The following XYLT1 variants were observed in gnomAD, a reference collection of about 807,000 sequenced individuals.
XYLT1 encodes beta-D-xylosyltransferase 1.
A neutral mutation model predicts 91.3 loss-of-function variants in XYLT1; 36 were observed. The observed-to-expected ratio is 0.39, with a 90% CI of 0.30 to 0.52. The LOEUF is 0.52. XYLT1 is among the 20% of genes least tolerant of loss of function. The pLI is 0.68. For synonymous variants in XYLT1, 588 were observed against 532.0 expected (o/e 1.11, Z -1.45); for missense variants, 1,242 against 1,284.5 (o/e 0.97, Z 0.51).
chr16:17,264,704 T>C (rs1355430657), intron 2 of XYLT1, among the ~76,000 whole-genome samples: 1 of 152,146 alleles, frequency 6.6e-6, no homozygotes, highest in African/African-American at 2.4e-5. Flanking sequence ...GTCCTTTGAA[T>C]CTTCTTGAAA....
chr16:17,430,094 G>A lies in XYLT1; in HGVS notation c.363+40340C>T, dbSNP rs571748578. Among the ~76,000 whole-genome samples, 187 of 151,852 alleles carry A rather than the reference G, an allele frequency of 1.2e-3. 1 individual carries two copies. Among genetic ancestry groups the A allele is most frequent in the Non-Finnish European group, 1.8e-3 (124 of 67,954 alleles). ...TGGGATTACAGGTGCCCACCACCGCGCTCAGCTAATTTTTGTATTTTTAGT... is the reference window on the plus strand; with the variant it reads ...TGGGATTACAGGTGCCCACCACCGCACTCAGCTAATTTTTGTATTTTTAGT... On this transcript the variant is annotated intron_variant, in intron 1 of 11. Coordinates refer to ENST00000261381, the MANE Select transcript of XYLT1 (RefSeq NM_022166.4).
intron 3 of XYLT1, among the ~76,000 whole-genome samples, chr16:17,208,271 C>A (rs1181608760): frequency 6.6e-6 from 1 of 151,976 alleles, no homozygotes; most frequent in African/African-American, 2.4e-5. Context: ...GTGTGAGCTA[C>A]TGTGCCTGGC....
intron 1 of XYLT1, among the ~76,000 whole-genome samples, chr16:17,432,791 C>CA (rs1324227295): frequency 7.2e-5 from 11 of 152,072 alleles, no homozygotes; most frequent in Non-Finnish European, 1.5e-5. Context: ...AACCCAAAGA[C>CA]ACGCTGGTTG....
At chr16:17,462,615 A>G (rs1413230483) in intron 1 of XYLT1, among the ~76,000 whole-genome samples, 1 of 152,196 alleles carries the variant, frequency 6.6e-6, no homozygotes, top group Non-Finnish European at 1.5e-5. Context: ...GCTCTCAGGT[A>G]CAAGTGGCGG....
intron 3 of XYLT1, among the ~76,000 whole-genome samples, chr16:17,245,700 T>C (rs915405673): frequency 1.3e-5 from 2 of 152,194 alleles, no homozygotes; most frequent in African/African-American, 4.8e-5. Context: ...TGACATGGTG[T>C]TAAAAATTGA....
intron 3 of XYLT1, among the ~76,000 whole-genome samples, chr16:17,210,037 G>A (rs907692787): frequency 6.6e-5 from 10 of 152,080 alleles, no homozygotes; most frequent in South Asian, 2.1e-4. Flanking sequence ...TGGGACTAGA[G>A]GCATGAACAC....
intron 1 of XYLT1, among the ~76,000 whole-genome samples, chr16:17,365,830 A>T (rs1467412861): frequency 6.6e-6 from 1 of 152,174 alleles, no homozygotes; most frequent in Non-Finnish European, 1.5e-5. Flanking sequence ...CCAGCTTGGT[A>T]TGTGTATCCT....
chr16:17,337,775 C>CTTTCT (rs2035003938), intron 2 of XYLT1, among the ~76,000 whole-genome samples: 1 of 114,216 alleles, frequency 8.8e-6, no homozygotes, highest in African/African-American at 4.2e-5. Context: ...CACATTTTTT[C>CTTTCT]TTTTTCTTTT....
At chr16:17,274,557 T>C (rs2033943471) in intron 2 of XYLT1, among the ~76,000 whole-genome samples, 1 of 152,180 alleles carries the variant, frequency 6.6e-6, no homozygotes, top group Admixed American at 6.6e-5. Flanking sequence ...ATATAAGTTA[T>C]TTTAATATAG....
intron 1 of XYLT1, among the ~76,000 whole-genome samples, chr16:17,369,198 C>T (rs1052273662): frequency 1.4e-5 from 2 of 146,436 alleles, no homozygotes; most frequent in Non-Finnish European, 3.0e-5. Context: ...GGCGTGATCT[C>T]GGCTCACTGC....
chr16:17,232,218 AC>A (rs1343101402), intron 3 of XYLT1, among the ~76,000 whole-genome samples: 1 of 124,036 alleles, frequency 8.1e-6, no homozygotes, highest in African/African-American at 3.3e-5. Context: ...TATTATATAT[AC>A]ACCTTCATAT....
At chr16:17,331,168 A>G (rs2034893533) in intron 2 of XYLT1, among the ~76,000 whole-genome samples, 1 of 152,230 alleles carries the variant, frequency 6.6e-6, no homozygotes, top group African/African-American at 2.4e-5. Context: ...CAAGAAGGCA[A>G]TGACCCAACT....
intron 3 of XYLT1, among the ~76,000 whole-genome samples, chr16:17,232,816 G>C (rs1443593212): frequency 1.3e-5 from 2 of 152,056 alleles, no homozygotes; most frequent in Admixed American, 6.6e-5. Flanking sequence ...TGGTGATAAT[G>C]TTGGCAGCGG....
intron 1 of XYLT1, among the ~76,000 whole-genome samples, chr16:17,398,768 G>C (rs999996104): frequency 6.8e-6 from 1 of 147,454 alleles, no homozygotes; most frequent in South Asian, 2.1e-4. Context: ...CTCTGCCTTC[G>C]CCTTCACAAA....
chr16:17,380,866 A>T (rs1159382430), intron 1 of XYLT1, among the ~76,000 whole-genome samples: 2 of 152,226 alleles, frequency 1.3e-5, no homozygotes, highest in African/African-American at 4.8e-5. Context: ...ACAAACCTCA[A>T]AGACATTATT....
intron 1 of XYLT1, among the ~76,000 whole-genome samples, chr16:17,389,518 TA>T (rs1446078509): frequency 1.3e-5 from 2 of 152,162 alleles, no homozygotes; most frequent in Non-Finnish European, 2.9e-5. Context: ...GTCTTGCAAA[TA>T]AATATGCAGC....
At chr16:17,300,856 T>G (rs1374353304) in intron 2 of XYLT1, among the ~76,000 whole-genome samples, 1 of 152,036 alleles carries the variant, frequency 6.6e-6, no homozygotes, top group African/African-American at 2.4e-5. Flanking sequence ...AGACACAAAA[T>G]AACACGTACA....
chr16:17,313,404 G>T (rs2034579706), intron 2 of XYLT1, among the ~76,000 whole-genome samples: 1 of 152,016 alleles, frequency 6.6e-6, no homozygotes. Flanking sequence ...GCCAGCCTTG[G>T]CAGCCAGCGA....
chr16:17,135,707 C>T (rs899949469), intron 8 of XYLT1, among the ~76,000 whole-genome samples: 20 of 152,090 alleles, frequency 1.3e-4, no homozygotes, highest in East Asian at 1.9e-4. Context: ...AGAGATGGGA[C>T]GAAGAGTCAG....
Sources: allele counts gnomAD v4.1 joint callset (sites outside exome capture counted in the v4.1 genomes callset), GRCh38; gene constraint gnomAD v4.1.1; transcripts MANE v1.5; gene names NCBI Gene and HGNC (gene_info 2026-07-23, HGNC 2026-07-21).